RNF170: variants seen among roughly 807,000 people sequenced by gnomAD.
RNF170 encodes E3 ubiquitin-protein ligase RNF170.
In RNF170, 12 loss-of-function variants were observed where a neutral mutation model predicts 32.7. That is an observed-to-expected ratio of 0.37 (90% confidence interval 0.24 to 0.60). RNF170 has a LOEUF of 0.60. RNF170 is among the 20% of genes least tolerant of loss of function. RNF170 has a pLI of 0.72. For synonymous variants in RNF170, 91 were observed against 103.6 expected, an observed-to-expected ratio of 0.88 and a Z score of 0.74; for missense variants, 212 against 311.2, an observed-to-expected ratio of 0.68 and a Z score of 2.40.
chr8:42,891,387 G>T (rs967106678), intron 1 of RNF170, among the ~76,000 whole-genome samples: 17 of 151,966 alleles, frequency 1.1e-4, no homozygotes, highest in African/African-American at 4.1e-4. Flanking sequence ...AAAGAGACCA[G>T]ATCTCCTCCT....
Position 42,856,064 on chromosome 8 carries a change from T to G in RNF170, c.*95A>C, listed in dbSNP as rs1406852591. 6.3e-7 allele frequency: 1 copy of G among 1,598,048 alleles called. No homozygotes were observed. Among genetic ancestry groups the G allele is most frequent in the Non-Finnish European group, 8.5e-7 (1 of 1,173,530 alleles). ...TGGTTTTATATTTGTGAGATAATACTCCATTGCTTCATTGCTTTATACTGC... is the reference window on the plus strand; with the variant it reads ...TGGTTTTATATTTGTGAGATAATACGCCATTGCTTCATTGCTTTATACTGC... On this transcript the variant is annotated 3_prime_UTR_variant, in exon 7 of 7. Transcript: ENST00000527424.
chr8:42,860,541 G>T (rs903427140), intron 6 of RNF170, among the ~76,000 whole-genome samples: 2 of 151,446 alleles, frequency 1.3e-5, no homozygotes, highest in African/African-American at 4.9e-5. Flanking sequence ...TCCTGCCTCA[G>T]CCTTCCAAGT....
intron 5 of RNF170, 144 bp from the exon 6 acceptor site, chr8:42,861,999 G>A (rs1803699989): frequency 5.0e-6 from 4 of 793,718 alleles, no homozygotes; most frequent in Non-Finnish European, 7.6e-6. Flanking sequence ...GGGGAGGGGA[G>A]TAAGTAACTG....
At chr8:42,893,194 T>C (rs1272230160) in intron 1 of RNF170, among the ~76,000 whole-genome samples, 1 of 152,176 alleles carries the variant, frequency 6.6e-6, no homozygotes, top group African/African-American at 2.4e-5. Flanking sequence ...TAAAGGTTGT[T>C]TACATTAAAC....
Position 42,856,375 on chromosome 8 carries a change from T to C in RNF170, c.561A>G (p.Glu187=). 1 of 1,600,398 alleles carries C rather than the reference T, an allele frequency of 6.2e-7. No individual in the cohort carries two copies. The highest frequency in any genetic ancestry group is 8.5e-7 in the Non-Finnish European group (1 of 1,176,972). ...LPTLLRHAFR[E]MFSVGGLFWM... is the part of the protein sequence containing the mutation. Reference sequence around the variant, plus strand: ...AGAAAAGGCCCCCGACTGAAAACATTTCCCTGAATGCATGCCTCAGTAAAG... The same window carrying C: ...AGAAAAGGCCCCCGACTGAAAACATCTCCCTGAATGCATGCCTCAGTAAAG... The change falls in exon 7 of 7, where the codon GAA becomes GAG. Residue 187 remains glutamate, a synonymous_variant. Coordinates refer to ENST00000527424, the MANE Select transcript of RNF170 (RefSeq NM_030954.4).
chr8:42,858,789 G>A (rs1803437349), intron 6 of RNF170, among the ~76,000 whole-genome samples: 1 of 152,222 alleles, frequency 6.6e-6, no homozygotes, highest in South Asian at 2.1e-4. Context: ...AGAGCAGGGT[G>A]GCTGCAGGGT....
At chr8:42,869,105 T>G (rs954081273) in intron 4 of RNF170, among the ~76,000 whole-genome samples, 1 of 151,900 alleles carries the variant, frequency 6.6e-6, no homozygotes, top group African/African-American at 2.4e-5. Context: ...AGACAGGGTC[T>G]CCTTATGTTG....
At chr8:42,888,171 T>C (rs1805986369) in intron 1 of RNF170, among the ~76,000 whole-genome samples, 1 of 151,998 alleles carries the variant, frequency 6.6e-6, no homozygotes, top group African/African-American at 2.4e-5. Flanking sequence ...GTTCAAGCAA[T>C]TCCCCTCCCT....
intron 6 of RNF170, among the ~76,000 whole-genome samples, chr8:42,859,901 C>T (rs1393771228): frequency 6.6e-6 from 1 of 152,120 alleles, no homozygotes; most frequent in Non-Finnish European, 1.5e-5. Flanking sequence ...CTGCCTGCCT[C>T]AGTCTCCCAA....
intron 2 of RNF170, among the ~76,000 whole-genome samples, chr8:42,881,053 T>C (rs1396870164): frequency 2.0e-5 from 3 of 152,252 alleles, no homozygotes; most frequent in African/African-American, 7.2e-5. Context: ...TGACTCACTT[T>C]ATTCACTTTA....
rs185453674 is a variant in RNF170, at chr8:42,859,608, G to C, written c.507+2137C>G. Among the ~76,000 whole-genome samples the C allele has an allele frequency of 2.0e-5, 3 of 152,146 alleles. No homozygotes were observed. The East Asian group carries it at 5.8e-4, about 30-fold the overall frequency. Reference sequence around the variant, plus strand: ...CACCACTGCACTCCAGCCTGGGAAAGAGTGAGAATCTGTCTCAAACAACAA... The same window carrying C: ...CACCACTGCACTCCAGCCTGGGAAACAGTGAGAATCTGTCTCAAACAACAA... On this transcript the variant is annotated intron_variant, in intron 6 of 6. Coordinates refer to ENST00000527424, the MANE Select transcript of RNF170 (RefSeq NM_030954.4).
intron 2 of RNF170, among the ~76,000 whole-genome samples, chr8:42,886,180 C>T (rs576902150): frequency 2.7e-4 from 41 of 151,692 alleles, no homozygotes; most frequent in African/African-American, 9.4e-4. Flanking sequence ...GCCGAGATCA[C>T]GCCACTGCAC....
At chr8:42,895,999 T>C (rs1806795049) in intron 1 of RNF170, among the ~76,000 whole-genome samples, 1 of 152,102 alleles carries the variant, frequency 6.6e-6, no homozygotes, top group Non-Finnish European at 1.5e-5. Context: ...CTGCGTATGC[T>C]ATATCTGTTA....
At chr8:42,863,980 A>AGTGTGTGTGAGTGT in intron 5 of RNF170, among the ~76,000 whole-genome samples, 1 of 139,512 alleles carries the variant, frequency 7.2e-6, no homozygotes, top group Non-Finnish European at 1.5e-5. Flanking sequence ...AGAGAGAGAG[A>AGTGTGTGTGAGTGT]GTGTGTGTGT....
intron 2 of RNF170, among the ~76,000 whole-genome samples, chr8:42,878,127 C>T (rs572886210): frequency 6.6e-6 from 1 of 152,304 alleles, no homozygotes; most frequent in Admixed American, 6.5e-5. Flanking sequence ...CAGTCTCTCT[C>T]CCTCTCCTCA....
chr8:42,863,602 C>T (rs1048116770), intron 5 of RNF170, among the ~76,000 whole-genome samples: 6 of 151,986 alleles, frequency 3.9e-5, no homozygotes, highest in Admixed American at 3.3e-4. Context: ...CCACCATGCG[C>T]AGCTAATTTT....
At chr8:42,872,985 C>T (rs1392183967) in intron 3 of RNF170, among the ~76,000 whole-genome samples, 3 of 152,120 alleles carry the variant, frequency 2.0e-5, no homozygotes, top group Non-Finnish European at 2.9e-5. Context: ...GCCTCAACCT[C>T]CCAGGCTCGA....
Position 42,854,720 on chromosome 8 carries a change from C to T in RNF170, c.*1439G>A, listed in dbSNP as rs1170949578. 3.9e-6 allele frequency: 5 copies of T among 1,287,232 alleles called. No individual in the cohort carries two copies. In the African/African-American group the frequency reaches 7.6e-5, roughly 20 times the overall value. 79.7% of individuals were successfully genotyped at this position (1,287,232 alleles called of 1,614,324 possible). A position where few individuals can be genotyped will look rare whatever the true frequency, so the allele number is the denominator to read the frequency against. On this transcript the variant is annotated 3_prime_UTR_variant, in exon 7 of 7. Transcript: ENST00000527424. ...ATAAATTAATGGATGATATTAATAG[C>T]AGTGATCTCAGATGACAATGCTAAC...
intron 1 of RNF170, among the ~76,000 whole-genome samples, chr8:42,890,431 C>T (rs984303482): frequency 3.3e-5 from 5 of 151,920 alleles, no homozygotes; most frequent in Admixed American, 6.6e-5. Flanking sequence ...GCGCCCCCCA[C>T]CACACCCGGC....
Sources: gnomAD v4.1 joint callset for allele counts (sites outside exome capture counted in the v4.1 genomes callset) on GRCh38, gnomAD v4.1.1 for gene constraint, MANE v1.5 for transcripts, NCBI Gene and HGNC (gene_info 2026-07-23, HGNC 2026-07-21) for gene names.